EXOC2: variants seen among roughly 807,000 people sequenced by gnomAD.
EXOC2 encodes the protein SEC5-like 1.
A neutral mutation model predicts 131.8 loss-of-function variants in EXOC2; 70 were observed. The ratio of observed to expected loss-of-function variants is 0.53; its 90% CI spans 0.44 to 0.65. The LOEUF (loss-of-function observed/expected upper bound fraction) is 0.65. EXOC2 is among the 30% of genes least tolerant of loss of function. The pLI is 0.00. For synonymous variants in EXOC2, 411 were observed against 398.4 expected, an observed-to-expected ratio of 1.03 and a Z score of -0.38; for missense variants, 923 against 1,108.6, an observed-to-expected ratio of 0.83 and a Z score of 2.38.
intron 1 of EXOC2, among the ~76,000 whole-genome samples, chr6:684,797 G>GA (rs1243073836): frequency 6.6e-6 from 1 of 151,972 alleles, no homozygotes; most frequent in Non-Finnish European, 1.5e-5. Flanking sequence ...ATAATATAAA[G>GA]AAAAAAATCA....
At chr6:597,421 C>G (rs573934831) in intron 10 of EXOC2, among the ~76,000 whole-genome samples, 2 of 152,040 alleles carry the variant, frequency 1.3e-5, no homozygotes, top group African/African-American at 4.8e-5. Flanking sequence ...GTGATCCGCC[C>G]GCCTCAGCCT....
intron 13 of EXOC2, among the ~76,000 whole-genome samples, chr6:571,211 TGTGTATTG>T (rs1180713407): frequency 1.3e-5 from 2 of 152,246 alleles, no homozygotes; most frequent in Admixed American, 1.3e-4. Context: ...AAAAGAAAGT[TGTGTATTG>T]CTTTAATATT....
At chr6:514,745 C>A (rs1299410556) in intron 23 of EXOC2, among the ~76,000 whole-genome samples, 1 of 152,186 alleles carries the variant, frequency 6.6e-6, no homozygotes. Flanking sequence ...GAGGAGCACA[C>A]ACCACAGGCA....
At chr6:565,160 G>T (rs992288917) in intron 13 of EXOC2, among the ~76,000 whole-genome samples, 1 of 152,202 alleles carries the variant, frequency 6.6e-6, no homozygotes, top group Non-Finnish European at 1.5e-5. Context: ...TCCCATGAAT[G>T]AATCCAAGAA....
chr6:589,226 T>A lies in EXOC2; in HGVS notation c.1192+3243A>T, dbSNP rs113137322. Among the ~76,000 whole-genome samples, 1,389 of 152,182 alleles carry A rather than the reference T, an allele frequency of 9.1e-3. 20 individuals carry two copies. Among genetic ancestry groups the A allele is most frequent in the African/African-American group, 0.031 (1,291 of 41,522 alleles). ...ACATTTGTCGAGCACCCGCACGGTG[T>A]CTGGAACGCTTCTCAATGCCGATCT... On this transcript the variant is annotated intron_variant, in intron 11 of 27. Coordinates refer to ENST00000230449, the MANE Select transcript of EXOC2 (RefSeq NM_018303.6).
intron 1 of EXOC2, among the ~76,000 whole-genome samples, chr6:682,857 A>T (rs956587937): frequency 6.6e-6 from 1 of 152,238 alleles, no homozygotes; most frequent in Non-Finnish European, 1.5e-5. Context: ...TCCTCTGAGC[A>T]TTAGTTTAAC....
intron 23 of EXOC2, among the ~76,000 whole-genome samples, chr6:500,147 G>T (rs369258458): frequency 1.3e-5 from 2 of 152,102 alleles, no homozygotes; most frequent in African/African-American, 2.4e-5. Flanking sequence ...AATACAGAGG[G>T]TGTTTAACAA....
rs1407171674 is a variant in EXOC2 at position 515,161 on chromosome 6, G to C, written c.2381-15461C>G. 7.2e-5 allele frequency among the ~76,000 whole-genome samples: 11 copies of C among 152,212 alleles called. No homozygotes were observed. The East Asian group carries it at 2.1e-3, about 29-fold the overall frequency. On this transcript the variant is annotated intron_variant, in intron 23 of 27. Coordinates refer to ENST00000230449, the MANE Select transcript of EXOC2 (RefSeq NM_018303.6). ...GAATACTTGGAATACACATTTTTCA[G>C]CTGAGCTCTAAGAATTACTTTTCCC...
chr6:683,837 A>G (rs1344979686), intron 1 of EXOC2, among the ~76,000 whole-genome samples: 6 of 152,212 alleles, frequency 3.9e-5, no homozygotes, highest in Admixed American at 6.5e-5. Context: ...AGCACTCAAC[A>G]GTGCCGTTAA....
At chr6:532,356 C>T (rs761785633) in intron 23 of EXOC2, 113 bp downstream of exon 23, 13 of 1,131,582 alleles carry the variant, frequency 1.1e-5, no homozygotes, top group Non-Finnish European at 1.5e-5. Context: ...TCAAATTAAT[C>T]TCTCACTCTC....
At position 492,861 on chromosome 6, in the gene EXOC2, T is replaced by G. The variant is rs140614164; in HGVS notation, c.2560-1675A>C. ...AGCTCTTTGAATATACCAAAAATCA[T>G]TGAATTGCATATTCTTTTTCTATTG... On this transcript the variant is annotated intron_variant, in intron 25 of 27. Transcript: ENST00000230449. Among the ~76,000 whole-genome samples, 3 of 152,354 alleles carry G rather than the reference T, an allele frequency of 2.0e-5. No individual in the cohort carries two copies. In the South Asian group the frequency reaches 6.2e-4, roughly 32 times the overall value.
At chr6:501,766 CTTA>C (rs1764219249) in intron 23 of EXOC2, among the ~76,000 whole-genome samples, 1 of 145,660 alleles carries the variant, frequency 6.9e-6, no homozygotes, top group Non-Finnish European at 1.5e-5. Context: ...AAACAGTGTG[CTTA>C]TTAAGTCTAT....
intron 7 of EXOC2, among the ~76,000 whole-genome samples, chr6:607,885 C>G (rs1760504543): frequency 6.6e-6 from 1 of 151,914 alleles, no homozygotes; most frequent in South Asian, 2.1e-4. Flanking sequence ...AAGAAAGTGT[C>G]AAAACTGATA....
chr6:627,036 TAA>T (rs1278782855), intron 4 of EXOC2, among the ~76,000 whole-genome samples: 2 of 152,114 alleles, frequency 1.3e-5, no homozygotes, highest in East Asian at 3.8e-4. Flanking sequence ...TAAACAGAAC[TAA>T]AAGACAGTAG....
chr6:489,164 G>T, intron 26 of EXOC2, 126 bp from the exon 27 acceptor site: 28 of 810,048 alleles, frequency 3.5e-5, no homozygotes, highest in East Asian at 9.3e-5. Flanking sequence ...ATGAGAAAAA[G>T]TAAAAGTGAA....
Position 637,793 on chromosome 6 carries a change from AG to A in EXOC2, c.25del (p.Val10Ter). 1.9e-6 allele frequency: 3 copies of A among 1,613,636 alleles called. No individual in the cohort carries two copies. Among genetic ancestry groups the A allele is most frequent in the South Asian group, 1.1e-5 (1 of 90,954 alleles). MSRSRQPP[L>X]VTGISPNEGI... is the part of the protein sequence containing the mutation. ...TTCATTTGGAGAGATGCCGGTCACA[AG>A]GGGGGGTTGTCGTGATCGAGACATT... On this transcript the variant is annotated frameshift_variant, in exon 2 of 28. Transcript: ENST00000230449. LOFTEE classifies it high-confidence loss of function.
chr6:648,194 T>C (rs1762667751), intron 1 of EXOC2, among the ~76,000 whole-genome samples: 1 of 152,242 alleles, frequency 6.6e-6, no homozygotes, highest in Admixed American at 6.5e-5. Context: ...GAATGAACTA[T>C]AGGAAGAGAT....
chr6:656,095 G>A (rs761686450), intron 1 of EXOC2: 11 of 1,567,234 alleles, frequency 7.0e-6, no homozygotes, highest in Non-Finnish European at 8.7e-6. Flanking sequence ...AAAAATCTAA[G>A]CTGGCTGAAT....
At chr6:573,956 T>C (rs1758435263) in intron 12 of EXOC2, among the ~76,000 whole-genome samples, 1 of 152,168 alleles carries the variant, frequency 6.6e-6, no homozygotes, top group Non-Finnish European at 1.5e-5. Flanking sequence ...CGTTTTTGGT[T>C]TTTACACAAA....
Sources: gnomAD v4.1 joint callset for allele counts (sites outside exome capture counted in the v4.1 genomes callset) on GRCh38, gnomAD v4.1.1 for gene constraint, MANE v1.5 for transcripts, NCBI Gene and HGNC (gene_info 2026-07-23, HGNC 2026-07-21) for gene names.